CYTH3: variants seen among roughly 807,000 people sequenced by gnomAD.
CYTH3 encodes the protein cytohesin 3, also known as cytohesin-3.
In CYTH3, 23 loss-of-function variants were observed where a neutral mutation model predicts 55.1. That is an observed-to-expected ratio of 0.42 (90% confidence interval 0.30 to 0.59). CYTH3 has a LOEUF of 0.59. Among genes scored for constraint, CYTH3 ranks in the 20% least tolerant of loss-of-function variants. CYTH3 has a pLI of 0.20. For missense variants in CYTH3, 413 were observed against 524.8 expected, an observed-to-expected ratio of 0.79 and a Z score of 2.08; for synonymous variants, 249 against 194.9, an observed-to-expected ratio of 1.28 and a Z score of -2.31.
intron 1 of CYTH3, among the ~76,000 whole-genome samples, chr7:6,208,734 T>G (rs1784256634): frequency 6.6e-6 from 1 of 152,268 alleles, no homozygotes; most frequent in East Asian, 1.9e-4. Flanking sequence ...AGAGATGGGG[T>G]CTTGCTATGC....
chr7:6,205,562 A>G (rs1242352910), intron 1 of CYTH3, among the ~76,000 whole-genome samples: 1 of 152,260 alleles, frequency 6.6e-6, no homozygotes, highest in Non-Finnish European at 1.5e-5. Context: ...CAAAAGAATG[A>G]GACTCCGTCT....
At chr7:6,242,206 A>G (rs1201716871) in intron 1 of CYTH3, among the ~76,000 whole-genome samples, 1 of 151,512 alleles carries the variant, frequency 6.6e-6, no homozygotes, top group Non-Finnish European at 1.5e-5. Flanking sequence ...CCTCCCGAGT[A>G]GCTGGGACTA....
intron 1 of CYTH3, among the ~76,000 whole-genome samples, chr7:6,197,192 C>A (rs998992712): frequency 6.6e-6 from 1 of 152,040 alleles, no homozygotes; most frequent in African/African-American, 2.4e-5. Flanking sequence ...CCCTTAAGGC[C>A]CTAAGGAGTT....
chr7:6,187,277 T>G (rs1441970473), intron 3 of CYTH3, among the ~76,000 whole-genome samples, 161 bp from the exon 4 acceptor site: 1 of 152,204 alleles, frequency 6.6e-6, no homozygotes, highest in African/African-American at 2.4e-5. Flanking sequence ...GCAGGGGTGG[T>G]GCAGCCACCA....
chr7:6,188,007 T>G (rs1562886632), intron 2 of CYTH3, among the ~76,000 whole-genome samples: 1 of 151,274 alleles, frequency 6.6e-6, no homozygotes, highest in African/African-American at 2.4e-5. Context: ...GCAAGCACAC[T>G]GGGGGGGGAA....
intron 1 of CYTH3, among the ~76,000 whole-genome samples, chr7:6,269,657 C>G (rs1780599626): frequency 6.6e-6 from 1 of 152,150 alleles, no homozygotes; most frequent in South Asian, 2.1e-4. Flanking sequence ...AACGACTTAA[C>G]TACACTCTGC....
intron 4 of CYTH3, among the ~76,000 whole-genome samples, chr7:6,178,924 A>G (rs549441066): frequency 1.3e-5 from 2 of 152,324 alleles, no homozygotes; most frequent in Admixed American, 1.3e-4. Flanking sequence ...CAGTTTCAAA[A>G]TATGTGTTGG....
chr7:6,219,056 G>A (rs1010430248), intron 1 of CYTH3, among the ~76,000 whole-genome samples: 4 of 150,598 alleles, frequency 2.7e-5, no homozygotes, highest in African/African-American at 9.8e-5. Context: ...GAGAAGTGAG[G>A]AGCAGAGTAC....
chr7:6,197,362 T>C (rs1220649762), intron 1 of CYTH3, among the ~76,000 whole-genome samples: 2 of 152,210 alleles, frequency 1.3e-5, no homozygotes, highest in Non-Finnish European at 2.9e-5. Context: ...AATGCTATTA[T>C]GTCTATACTT....
At chr7:6,245,495 TAGAG>T (rs1779786611) in intron 1 of CYTH3, among the ~76,000 whole-genome samples, 1 of 152,148 alleles carries the variant, frequency 6.6e-6, no homozygotes, top group South Asian at 2.1e-4. Flanking sequence ...AGGTGCACCC[TAGAG>T]AGAATGTGTC....
chr7:6,266,039 G>C (rs1780483405), intron 1 of CYTH3, among the ~76,000 whole-genome samples: 1 of 152,030 alleles, frequency 6.6e-6, no homozygotes, highest in Admixed American at 6.6e-5. Context: ...GTACTTTTCT[G>C]TATGTTTTAT....
chr7:6,268,537 T>C (rs1780569209), intron 1 of CYTH3, among the ~76,000 whole-genome samples: 1 of 152,244 alleles, frequency 6.6e-6, no homozygotes, highest in Non-Finnish European at 1.5e-5. Context: ...TCCTCGTTCC[T>C]TTCTACAACT....
chr7:6,230,876 T>C lies in CYTH3; in HGVS notation c.35-40345A>G, dbSNP rs577620068. On this transcript the variant is annotated intron_variant, in intron 1 of 12. Transcript: ENST00000350796. ...AATGTTTATTTTCTTCTTTGTAATT[T>C]TCTATAATTTTTTTAAGAGCCTGTA... Among the ~76,000 whole-genome samples, 43 of 152,322 alleles carry C rather than the reference T, an allele frequency of 2.8e-4. No homozygotes were observed. The Middle Eastern group carries it at 0.01, about 36-fold the overall frequency.
chr7:6,212,498 C>T (rs112808318), intron 1 of CYTH3: 8 of 152,296 alleles, frequency 5.3e-5, no homozygotes, highest in African/African-American at 1.7e-4. Context: ...AGGTACCTCA[C>T]ATAAGTAGAA....
chr7:6,229,363 T>A (rs1054592738), intron 1 of CYTH3, among the ~76,000 whole-genome samples: 1 of 152,198 alleles, frequency 6.6e-6, no homozygotes, highest in Non-Finnish European at 1.5e-5. Context: ...CATTTTCCTA[T>A]GAGACACACA....
chr7:6,190,426 T>G (rs2128544089), intron 2 of CYTH3, 23 bp downstream of exon 2: 2 of 1,426,680 alleles, frequency 1.4e-6, no homozygotes, highest in South Asian at 1.4e-5. Flanking sequence ...TTTGGATTTT[T>G]GGTTTTTTTT....
In CYTH3 at chr7:6,251,788, C is replaced by T. The variant is rs559636442; in HGVS notation, c.34+20686G>A. On this transcript the variant is annotated intron_variant, in intron 1 of 12. Coordinates refer to ENST00000350796, the MANE Select transcript of CYTH3 (RefSeq NM_004227.4). ...AGGCCTGTCCATAAAATCAAATCTA[C>T]AAAGAATAACTCAGATGGTTACCAC... Among the ~76,000 whole-genome samples, 7 of 152,246 alleles carry T rather than the reference C, an allele frequency of 4.6e-5. No individual in the cohort carries two copies. In the South Asian group the frequency reaches 1.5e-3, roughly 32 times the overall value.
chr7:6,208,050 G>C (rs890916341), intron 1 of CYTH3, among the ~76,000 whole-genome samples: 1 of 152,138 alleles, frequency 6.6e-6, no homozygotes, highest in Non-Finnish European at 1.5e-5. Flanking sequence ...ATTCTTCCAA[G>C]ACTCCTTCTA....
intron 1 of CYTH3, among the ~76,000 whole-genome samples, chr7:6,195,299 T>C (rs576722869): frequency 2.6e-5 from 4 of 152,128 alleles, no homozygotes; most frequent in Non-Finnish European, 4.4e-5. Context: ...AAGACACTAT[T>C]TTCTTCAGGT....
Sources: gnomAD v4.1 joint callset for allele counts (sites outside exome capture counted in the v4.1 genomes callset) on GRCh38, gnomAD v4.1.1 for gene constraint, MANE v1.5 for transcripts, NCBI Gene and HGNC (gene_info 2026-07-23, HGNC 2026-07-21) for gene names.